Variants in ERCC6L2 observed in about 807,000 individuals in gnomAD.
ERCC6L2 encodes ERCC excision repair 6 like 2.
ERCC6L2 carries 77 observed loss-of-function variants against 132.0 expected under a neutral mutation model. The observed-to-expected ratio is 0.58, with a 90% CI of 0.49 to 0.71. ERCC6L2 has a LOEUF of 0.71. Ranked by LOEUF, ERCC6L2 falls within the 30% of genes least tolerant of loss-of-function variation. ERCC6L2 has a pLI of 0.00. For synonymous variants in ERCC6L2, 583 were observed against 632.4 expected (o/e 0.92, Z 1.17); for missense variants, 1,542 against 1,837.6 (o/e 0.84, Z 2.94).
At chr9:95,946,539 A>G (rs937236036) in intron 12 of ERCC6L2, among the ~76,000 whole-genome samples, 2 of 152,176 alleles carry the variant, frequency 1.3e-5, no homozygotes, top group African/African-American at 4.8e-5. Flanking sequence ...AAAAAATAAA[A>G]TTAAATAATA....
At chr9:95,975,142 G>A (rs1251195986) in intron 16 of ERCC6L2, among the ~76,000 whole-genome samples, 1 of 151,974 alleles carries the variant, frequency 6.6e-6, no homozygotes, top group Non-Finnish European at 1.5e-5. Context: ...TGTCTTCATT[G>A]TCAAAGATAC....
chr9:95,932,198 T>G (rs1202133471), intron 11 of ERCC6L2, among the ~76,000 whole-genome samples: 1 of 152,046 alleles, frequency 6.6e-6, no homozygotes, highest in Admixed American at 6.6e-5. Flanking sequence ...CCCGAGCAGC[T>G]GGGACTACAG....
chr9:95,969,755 C>CT (rs1396612632), intron 14 of ERCC6L2, among the ~76,000 whole-genome samples: 2 of 152,140 alleles, frequency 1.3e-5, no homozygotes, highest in Non-Finnish European at 2.9e-5. Flanking sequence ...CTATCATTCC[C>CT]TAGAGTTCCA....
At chr9:96,012,190 A>G (rs1174864374) in intron 18 of ERCC6L2, 35 bp from the exon 19 acceptor site, 1 of 1,179,346 alleles carries the variant, frequency 8.5e-7, no homozygotes, top group South Asian at 1.7e-5. Flanking sequence ...AAATGTAATG[A>G]AAATAACCAC....
At position 95,875,958 on chromosome 9, in the gene ERCC6L2, C is replaced by A. The variant is rs761797983; in HGVS notation, c.-81C>A. On this transcript the variant is annotated 5_prime_UTR_variant, in exon 1 of 19. Transcript: ENST00000653738. ...CGGAAGTGGCGTTGGCCGCCATTGG[C>A]CTGCCGGCCAGCCACCTTGCTGTCC... 6.7e-6 allele frequency: 10 copies of A among 1,484,662 alleles called. No individual in the cohort carries two copies. Among genetic ancestry groups the A allele is most frequent in the Non-Finnish European group, 7.3e-6 (8 of 1,095,304 alleles). 92.0% of individuals were successfully genotyped at this position (1,484,662 alleles called of 1,614,324 possible).
intron 2 of ERCC6L2, among the ~76,000 whole-genome samples, chr9:95,895,982 T>A (rs1828438245): frequency 6.6e-6 from 1 of 152,202 alleles, no homozygotes; most frequent in African/African-American, 2.4e-5. Flanking sequence ...CACCTTGGCC[T>A]CCCAAAGTGC....
chr9:95,928,223 T>A, intron 10 of ERCC6L2, 73 bp downstream of exon 10: 1 of 964,754 alleles, frequency 1.0e-6, no homozygotes, highest in Non-Finnish European at 1.6e-6. Flanking sequence ...AGCATATGCC[T>A]ACATGACACC....
chr9:95,877,803 TAAAAAAAAAAA>T (rs1827362726), intron 1 of ERCC6L2, among the ~76,000 whole-genome samples: 1 of 135,116 alleles, frequency 7.4e-6, no homozygotes, highest in Non-Finnish European at 1.6e-5. Context: ...CACTCTTGTC[TAAAAAAAAAAA>T]GAAAAAAAAA....
chr9:95,899,900 T>C (rs1828680504), intron 3 of ERCC6L2, among the ~76,000 whole-genome samples: 1 of 152,208 alleles, frequency 6.6e-6, no homozygotes, highest in East Asian at 1.9e-4. Context: ...TCTGCGTACA[T>C]GTTTAGTGCA....
intron 12 of ERCC6L2, among the ~76,000 whole-genome samples, chr9:95,943,864 C>G (rs1286030495): frequency 6.6e-6 from 1 of 152,100 alleles, no homozygotes; most frequent in Non-Finnish European, 1.5e-5. Flanking sequence ...GAAAACAAGT[C>G]CTAGTTGAGG....
At chr9:95,900,216 C>T (rs1828699235) in intron 3 of ERCC6L2, among the ~76,000 whole-genome samples, 1 of 151,850 alleles carries the variant, frequency 6.6e-6, no homozygotes, top group Admixed American at 6.6e-5. Flanking sequence ...CCTGTCTTTA[C>T]AGAAAATAAA....
intron 12 of ERCC6L2, among the ~76,000 whole-genome samples, chr9:95,946,149 T>C (rs943821621): frequency 1.3e-5 from 2 of 152,240 alleles, no homozygotes; most frequent in East Asian, 1.9e-4. Context: ...TAATAGTCAC[T>C]ACATAACAAA....
rs371476454 is a variant in ERCC6L2, at chr9:96,015,631, T to TAA, written c.*2441_*2442dup. Among the ~76,000 whole-genome samples the TAA allele has an allele frequency of 9.2e-3, 1,315 of 142,882 alleles. 20 individuals are homozygous for TAA. The highest frequency in any genetic ancestry group is 0.029 in the African/African-American group (1,154 of 39,326). The allele number at this position is 142,882 out of a possible 152,430, so 93.7% of individuals were successfully genotyped here. A position where few individuals can be genotyped will look rare whatever the true frequency, so the allele number is the denominator to read the frequency against. On this transcript the variant is annotated 3_prime_UTR_variant, in exon 19 of 19. Coordinates refer to ENST00000653738, the MANE Select transcript of ERCC6L2 (RefSeq NM_020207.7). The stretch of plus-strand genomic sequence containing the variant: ...TAACGCGGTGAAACCCCGTCTCTAC[T>TAA]AAAAAAAAAAAAAATACAAAAATTA...
chr9:95,970,147 A>G (rs765693485), intron 14 of ERCC6L2, among the ~76,000 whole-genome samples: 40 of 152,286 alleles, frequency 2.6e-4, no homozygotes, highest in Non-Finnish European at 5.0e-4. Context: ...TATAGTAACA[A>G]TATAGGCTAG....
At chr9:95,933,977 G>A (rs1034520285) in intron 11 of ERCC6L2, among the ~76,000 whole-genome samples, 2 of 151,676 alleles carry the variant, frequency 1.3e-5, no homozygotes, top group Non-Finnish European at 2.9e-5. Flanking sequence ...AGAAATTGTA[G>A]GAGAAAAGAT....
At chr9:95,971,908 G>A in intron 15 of ERCC6L2, 25 bp from the exon 16 acceptor site, 1 of 1,243,370 alleles carries the variant, frequency 8.0e-7, no homozygotes, top group Non-Finnish European at 1.0e-6. Context: ...GTTTTCTGAT[G>A]TTTTTGTCAT....
intron 19 of ERCC6L2, among the ~76,000 whole-genome samples, chr9:96,038,373 C>T (rs1834543333): frequency 2.0e-5 from 3 of 152,196 alleles, no homozygotes; most frequent in Admixed American, 2.0e-4. Flanking sequence ...ACAGTCTACA[C>T]TGCAGAGTCG....
At chr9:95,935,226 C>G (rs753104945) in intron 11 of ERCC6L2, among the ~76,000 whole-genome samples, 1 of 152,072 alleles carries the variant, frequency 6.6e-6, no homozygotes, top group East Asian at 1.9e-4. Flanking sequence ...TTAACTGGTT[C>G]TTTAGAGATA....
At chr9:95,928,682 A>G in intron 10 of ERCC6L2, 37 bp from the exon 11 acceptor site, 2 of 1,555,528 alleles carry the variant, frequency 1.3e-6, no homozygotes, top group Non-Finnish European at 8.7e-7. Context: ...TACTTAACCA[A>G]GATTCATGTT....
Sources: allele counts gnomAD v4.1 joint callset (sites outside exome capture counted in the v4.1 genomes callset), GRCh38; gene constraint gnomAD v4.1.1; transcripts MANE v1.5; gene names NCBI Gene and HGNC (gene_info 2026-07-23, HGNC 2026-07-21).